LAMA2: variants seen among roughly 807,000 people sequenced by gnomAD.
The protein encoded by LAMA2 is laminin subunit alpha 2.
LAMA2 carries 269 observed loss-of-function variants against 364.8 expected under a neutral mutation model. That is an observed-to-expected ratio of 0.74 (90% CI 0.67 to 0.82). The LOEUF is 0.82. LAMA2 is among the 40% of genes least tolerant of loss of function. The pLI, the probability that LAMA2 is intolerant of heterozygous loss-of-function variation, is 0.00. For missense variants in LAMA2, 3,807 were observed against 3,873.2 expected (o/e 0.98, Z 0.45); for synonymous variants, 1,379 against 1,370.6 (o/e 1.01, Z -0.14).
chr6:129,304,206 A>G (rs997625342), intron 22 of LAMA2, among the ~76,000 whole-genome samples: 3 of 152,116 alleles, frequency 2.0e-5, no homozygotes, highest in Non-Finnish European at 4.4e-5. Context: ...CATGAAAAGA[A>G]CATTCCTTCT....
chr6:129,417,475 G>A (rs1028561428), intron 40 of LAMA2, among the ~76,000 whole-genome samples: 3 of 152,042 alleles, frequency 2.0e-5, no homozygotes, highest in Non-Finnish European at 4.4e-5. Flanking sequence ...GTCCATGGGT[G>A]GCCATGAGCT....
intron 41 of LAMA2, among the ~76,000 whole-genome samples, chr6:129,430,884 T>C (rs934411189): frequency 2.7e-4 from 41 of 151,902 alleles, no homozygotes; most frequent in Non-Finnish European, 5.0e-4. Flanking sequence ...TTAAAATAAT[T>C]TTTTTCAGTA....
chr6:129,028,056 A>G (rs1785957720), intron 1 of LAMA2, among the ~76,000 whole-genome samples: 3 of 151,822 alleles, frequency 2.0e-5, no homozygotes, highest in South Asian at 4.1e-4. Flanking sequence ...TTTAGTAGAA[A>G]TGGGGATTTA....
At chr6:129,369,764 T>C in intron 33 of LAMA2, 128 bp from the exon 34 acceptor site, 1 of 788,738 alleles carries the variant, frequency 1.3e-6, no homozygotes, top group Non-Finnish European at 2.2e-6. Flanking sequence ...CCAGTTGAAA[T>C]AGTTTCCTTA....
intron 45 of LAMA2, among the ~76,000 whole-genome samples, chr6:129,446,086 T>C (rs940397192): frequency 4.9e-4 from 75 of 152,030 alleles, no homozygotes; most frequent in African/African-American, 1.7e-3. Context: ...ACTATTTGCA[T>C]AGAATAATAC....
chr6:129,303,580 C>A (rs1773679972), intron 22 of LAMA2, among the ~76,000 whole-genome samples: 1 of 152,022 alleles, frequency 6.6e-6, no homozygotes, highest in African/African-American at 2.4e-5. Flanking sequence ...TTTGAGGATG[C>A]CCCCTCGTGT....
chr6:129,336,984 T>G (rs2114555277), intron 29 of LAMA2, among the ~76,000 whole-genome samples: 1 of 152,310 alleles, frequency 6.6e-6, no homozygotes, highest in Non-Finnish European at 1.5e-5. Flanking sequence ...GTTAACAAGA[T>G]GAGATTAATA....
At position 129,516,119 on chromosome 6, in the gene LAMA2, C is replaced by T. The variant is rs1408023843; in HGVS notation, c.9212-71C>T. The T allele has an allele frequency of 2.0e-6, 3 of 1,534,466 alleles. No homozygotes were observed. In the East Asian group the frequency reaches 6.7e-5, roughly 34 times the overall value. On this transcript the variant is annotated intron_variant, in intron 64 of 64. Coordinates refer to ENST00000421865, the MANE Select transcript of LAMA2 (RefSeq NM_000426.4). ...AATTTAATCTCAAGCTAACAGTTGA[C>T]TTTGAAACATGCTCTTAATATTTGG... is the stretch of plus-strand genomic sequence containing the variant.
intron 10 of LAMA2, among the ~76,000 whole-genome samples, chr6:129,188,248 C>T (rs1781344845): frequency 6.6e-6 from 1 of 151,818 alleles, no homozygotes; most frequent in African/African-American, 2.4e-5. Context: ...AATTCCTACC[C>T]TAATGTGTTG....
intron 1 of LAMA2, among the ~76,000 whole-genome samples, chr6:128,961,341 A>ATC (rs1464128861): frequency 1.6e-4 from 8 of 51,158 alleles, no homozygotes; most frequent in African/African-American, 7.0e-4. Flanking sequence ...ATATATATAT[A>ATC]TATATATATA....
intron 37 of LAMA2, among the ~76,000 whole-genome samples, chr6:129,399,087 A>G (rs1184132193): frequency 6.6e-6 from 1 of 152,204 alleles, no homozygotes; most frequent in Non-Finnish European, 1.5e-5. Context: ...TCTGTGATGC[A>G]TTGGTATTTC....
intron 41 of LAMA2, among the ~76,000 whole-genome samples, chr6:129,428,802 T>C (rs1162694246): frequency 1.3e-5 from 2 of 152,192 alleles, no homozygotes; most frequent in African/African-American, 4.8e-5. Context: ...GCACAAAATA[T>C]CTACTGCCAT....
At chr6:129,371,897 G>A (rs545576463) in intron 34 of LAMA2, among the ~76,000 whole-genome samples, 3 of 152,140 alleles carry the variant, frequency 2.0e-5, no homozygotes, top group Admixed American at 1.3e-4. Flanking sequence ...ATGAGCCACC[G>A]CACCTGGCCA....
chr6:129,154,355 T>C (rs1778981481), intron 7 of LAMA2, 150 bp from the exon 8 acceptor site: 2 of 633,866 alleles, frequency 3.2e-6, no homozygotes, highest in East Asian at 3.1e-5. Context: ...GAGGTTGCAG[T>C]GAGCCGAGAT....
chr6:128,921,710 TTTTA>T (rs1778741628), intron 1 of LAMA2, among the ~76,000 whole-genome samples: 1 of 148,198 alleles, frequency 6.7e-6, no homozygotes, highest in East Asian at 1.9e-4. Flanking sequence ...TTTTTTTTTT[TTTTA>T]TTATTATTAT....
At chr6:129,052,374 T>C (rs1366608736) in intron 2 of LAMA2, among the ~76,000 whole-genome samples, 1 of 151,080 alleles carries the variant, frequency 6.6e-6, no homozygotes, top group Non-Finnish European at 1.5e-5. Flanking sequence ...GGTCTCAATC[T>C]CCTGATCTCG....
chr6:129,014,970 G>A (rs1784985573), intron 1 of LAMA2, among the ~76,000 whole-genome samples: 1 of 151,928 alleles, frequency 6.6e-6, no homozygotes. Context: ...TAGCCTTAGA[G>A]CTTTGAAATA....
At chr6:129,026,496 ATAGTATATAT>A (rs1785832434) in intron 1 of LAMA2, among the ~76,000 whole-genome samples, 2 of 152,176 alleles carry the variant, frequency 1.3e-5, no homozygotes, top group South Asian at 4.1e-4. Context: ...TTACAAACAA[ATAGTATATAT>A]ACATGTATAT....
intron 4 of LAMA2, among the ~76,000 whole-genome samples, chr6:129,111,826 AG>A (rs1048575298): frequency 6.6e-6 from 1 of 152,004 alleles, no homozygotes; most frequent in Non-Finnish European, 1.5e-5. Flanking sequence ...TTTGTAGGGA[AG>A]GGGGGAATAG....
Sources: allele counts gnomAD v4.1 joint callset (sites outside exome capture counted in the v4.1 genomes callset), GRCh38; gene constraint gnomAD v4.1.1; transcripts MANE v1.5; gene names NCBI Gene and HGNC (gene_info 2026-07-23, HGNC 2026-07-21).